Variants in STIP1 observed in about 807,000 individuals in gnomAD.
STIP1 encodes the protein stress induced phosphoprotein 1, also known as stress-induced-phosphoprotein 1.
STIP1 carries 16 observed loss-of-function variants against 77.4 expected under a neutral mutation model. The observed-to-expected ratio is 0.21, with a 90% CI of 0.14 to 0.31. The LOEUF (loss-of-function observed/expected upper bound fraction) is 0.31, where lower values mean the gene tolerates loss of function less well. Ranked by LOEUF, STIP1 falls within the 10% of genes least tolerant of loss-of-function variation. The pLI is 1.00. For synonymous variants in STIP1, 258 were observed against 246.6 expected (o/e 1.05, Z -0.44); for missense variants, 524 against 684.8 (o/e 0.77, Z 2.62).
At chr11:64,185,482 G>A (rs1304919475), upstream of STIP1, 1 of 317,534 alleles carries the variant, frequency 3.1e-6, no homozygotes, top group East Asian at 7.2e-5. Flanking sequence ...GCCGAGGCCG[G>A]AGCGCTGGAC....
intron 1 of STIP1, among the ~76,000 whole-genome samples, chr11:64,189,136 G>T (rs1246949996): frequency 6.6e-6 from 1 of 152,380 alleles, no homozygotes; most frequent in Non-Finnish European, 1.5e-5. Flanking sequence ...GTTGAGGCGG[G>T]TGGATCACGA....
chr11:64,192,635 C>T (rs1946105391), intron 1 of STIP1, among the ~76,000 whole-genome samples: 1 of 152,232 alleles, frequency 6.6e-6, no homozygotes, highest in African/African-American at 2.4e-5. Context: ...ATCCCACAGC[C>T]TTTGGGTCAC....
At chr11:64,198,753 G>GTTTTTTTTTTTTTTTTTTTTTTGTT (rs371481270) in intron 8 of STIP1, among the ~76,000 whole-genome samples, 2 of 111,052 alleles carry the variant, frequency 1.8e-5, no homozygotes, top group Non-Finnish European at 3.6e-5. Context: ...TTTTTTTGTG[G>GTTTTTTTTTTTTTTTTTTTTTTGTT]TTTTTTTTTT....
chr11:64,192,212 G>T (rs1479047345), intron 1 of STIP1, among the ~76,000 whole-genome samples: 2 of 152,182 alleles, frequency 1.3e-5, no homozygotes, highest in African/African-American at 4.8e-5. Context: ...TACTTGGGAG[G>T]CTGAGGCAGG....
Position 64,186,186 on chromosome 11 carries a change from C to T in STIP1, c.-76C>T. ...GGGTCCCGGTAGCTTCTAGTAGGTT[C>T]CAGAAGGCGGCGCGTGCGGTTGGGA... is the stretch of plus-strand genomic sequence containing the variant. On this transcript the variant is annotated 5_prime_UTR_variant, in exon 1 of 14. Coordinates refer to ENST00000305218, the MANE Select transcript of STIP1 (RefSeq NM_006819.3). 1 of 1,550,624 alleles carries T rather than the reference C, an allele frequency of 6.4e-7. No individual in the cohort carries two copies. The highest frequency in any genetic ancestry group is 8.7e-7 in the Non-Finnish European group (1 of 1,146,914).
At chr11:64,189,437 C>T (rs1354965434) in intron 1 of STIP1, among the ~76,000 whole-genome samples, 1 of 151,672 alleles carries the variant, frequency 6.6e-6, no homozygotes, top group African/African-American at 2.4e-5. Flanking sequence ...TGAGGCAGGA[C>T]AATTGCTTGA....
intron 8 of STIP1, among the ~76,000 whole-genome samples, chr11:64,199,662 C>T (rs1436905373): frequency 2.7e-5 from 4 of 148,692 alleles, no homozygotes; most frequent in Non-Finnish European, 5.9e-5. Context: ...CTCCCGGGTT[C>T]ACGCCATTCT....
intron 10 of STIP1, chr11:64,202,562 A>G: frequency 2.9e-6 from 1 of 349,470 alleles, no homozygotes; most frequent in South Asian, 3.3e-5. Context: ...TTTGTTTTTT[A>G]GTCAGCAATG....
At chr11:64,185,791 T>C (rs543591868), upstream of STIP1, 1 of 1,533,898 alleles carries the variant, frequency 6.5e-7, no homozygotes, top group African/African-American at 1.4e-5. Context: ...CTCCGCCCAA[T>C]TGGAATCGCT....
At chr11:64,193,047 A>G (rs774375844) in intron 1 of STIP1, 31 bp from the exon 2 acceptor site, 4 of 1,603,586 alleles carry the variant, frequency 2.5e-6, no homozygotes, top group Admixed American at 1.7e-5. Flanking sequence ...TGGGCACATC[A>G]TAGAGAAGCT....
rs1283695911 is a variant in STIP1 at position 64,197,518 on chromosome 11, C to T, written c.825C>T (p.Tyr275=). 6.8e-6 allele frequency: 11 copies of T among 1,614,140 alleles called. No individual in the cohort carries two copies. The highest frequency in any genetic ancestry group is 1.7e-5 in the Admixed American group (1 of 60,000). ...QAAVYFEKGD[Y]NKCRELCEKA... is the part of the protein sequence containing the mutation. Reference sequence around the variant, plus strand: ...CGGTATACTTTGAAAAGGGCGACTACAATAAGTGCCGGGAGCTTTGTGAGA... The same window carrying T: ...CGGTATACTTTGAAAAGGGCGACTATAATAAGTGCCGGGAGCTTTGTGAGA... Residue 275 remains tyrosine, a synonymous_variant, in exon 7 of 14, where the codon TAC becomes TAT. Coordinates refer to ENST00000305218, the MANE Select transcript of STIP1 (RefSeq NM_006819.3).
chr11:64,196,381 G>A (rs1591010439), intron 5 of STIP1, among the ~76,000 whole-genome samples: 1 of 139,742 alleles, frequency 7.2e-6, no homozygotes, highest in East Asian at 2.1e-4. Context: ...GGGTGACAGA[G>A]CGAGACTCCA....
intron 4 of STIP1, 87 bp from the exon 5 acceptor site, chr11:64,195,558 C>T: frequency 7.5e-7 from 1 of 1,341,382 alleles, no homozygotes; most frequent in South Asian, 1.5e-5. Context: ...ACACAAGAAT[C>T]TGACTTTAGT....
chr11:64,187,908 G>T (rs1268623766), intron 1 of STIP1, among the ~76,000 whole-genome samples: 1 of 152,114 alleles, frequency 6.6e-6, no homozygotes, highest in African/African-American at 2.4e-5. Context: ...GGGAGGCTGA[G>T]GCAGGAGAAT....
intron 13 of STIP1, 176 bp from the exon 14 acceptor site, chr11:64,203,878 T>C (rs1946250427): frequency 1.2e-6 from 1 of 830,148 alleles, no homozygotes; most frequent in Non-Finnish European, 1.9e-6. Context: ...GGCTCAAGAG[T>C]AGGACTGGCA....
chr11:64,190,166 A>AATTT (rs977297708), intron 1 of STIP1, among the ~76,000 whole-genome samples: 26 of 151,482 alleles, frequency 1.7e-4, no homozygotes, highest in Non-Finnish European at 2.9e-4. Flanking sequence ...ACATCCGGGC[A>AATTT]ATTTATTTAT....
chr11:64,200,138 T>C (rs1207954548), intron 9 of STIP1, 31 bp from the exon 10 acceptor site: 2 of 1,610,022 alleles, frequency 1.2e-6, no homozygotes, highest in African/African-American at 1.3e-5. Context: ...TTTTTGCTTT[T>C]TAAAAGACAG....
At chr11:64,194,131 G>A (rs893462385) in intron 2 of STIP1, 58 bp from the exon 3 acceptor site, 119 of 1,555,700 alleles carry the variant, frequency 7.6e-5, no homozygotes, top group Non-Finnish European at 9.5e-5. Flanking sequence ...TTTTGAGTTC[G>A]TCTTCTAGAT....
chr11:64,197,175 A>G (rs957535866), intron 5 of STIP1, 96 bp from the exon 6 acceptor site: 3 of 1,517,028 alleles, frequency 2.0e-6, no homozygotes, highest in Non-Finnish European at 2.7e-6. Context: ...AATTCTATTC[A>G]TGTTAGTTGC....
Sources: gnomAD v4.1 joint callset for allele counts (sites outside exome capture counted in the v4.1 genomes callset) on GRCh38, gnomAD v4.1.1 for gene constraint, MANE v1.5 for transcripts, NCBI Gene and HGNC (gene_info 2026-07-23, HGNC 2026-07-21) for gene names.